The following PRKCD variants were observed in gnomAD, a reference collection of about 807,000 sequenced individuals.
PRKCD encodes protein kinase C delta type.
In PRKCD, 20 loss-of-function variants were observed where a neutral mutation model predicts 82.2. The observed-to-expected ratio is 0.24, with a 90% CI of 0.17 to 0.35. PRKCD has a LOEUF of 0.35. Ranked by LOEUF, PRKCD falls within the 10% of genes least tolerant of loss-of-function variation. The probability of loss-of-function intolerance (pLI) is 1.00; values close to 1 mark genes in which losing one functional copy is unlikely to be tolerated. For synonymous variants in PRKCD, 317 were observed against 337.0 expected, an observed-to-expected ratio of 0.94 and a Z score of 0.65; for missense variants, 607 against 899.0, an observed-to-expected ratio of 0.68 and a Z score of 4.15.
At chr3:53,188,187 C>CAAAAAAA (rs557772373) in intron 15 of PRKCD, among the ~76,000 whole-genome samples, 4,132 of 45,296 alleles carry the variant, frequency 0.091, 1,042 homozygotes, top group East Asian at 0.17. Flanking sequence ...GACTGTGTCT[C>CAAAAAAA]AAAAAAAAAA....
chr3:53,192,291 C>G lies in PRKCD; in HGVS notation c.*25C>G. The G allele has an allele frequency of 6.2e-7, 1 of 1,612,004 alleles. No homozygotes were observed. The highest frequency in any genetic ancestry group is 1.3e-5 in the African/African-American group (1 of 74,936). ...AGGTTCCTGGACAGATCAGGCTAGC[C>G]CTGCCCTCCACCCACACCTGCCCGC... On this transcript the variant is annotated 3_prime_UTR_variant, in exon 19 of 19. Transcript: ENST00000330452.
chr3:53,186,089 G>A, intron 12 of PRKCD, 62 bp downstream of exon 12: 2 of 1,609,560 alleles, frequency 1.2e-6, no homozygotes, highest in Non-Finnish European at 1.7e-6. Flanking sequence ...CGCTTAGGTG[G>A]CTGAGGTGGG....
chr3:53,185,715 A>C lies in PRKCD; in HGVS notation c.985+15A>C, dbSNP rs782661258. ...GGACATGCAAGGTGAAGCTGGGTCC[A>C]TTGCCCCATTACGGTTTTTATTCCC... On this transcript the variant is annotated intron_variant, in intron 11 of 18. Transcript: ENST00000330452. The C allele has an allele frequency of 9.3e-6, 15 of 1,610,894 alleles. No homozygotes were observed. The highest frequency in any genetic ancestry group is 1.7e-5 in the Admixed American group (1 of 60,024).
intron 5 of PRKCD, 84 bp downstream of exon 5, chr3:53,181,351 C>T (rs1009176682): frequency 1.1e-4 from 175 of 1,606,982 alleles, no homozygotes; most frequent in Non-Finnish European, 1.4e-4. Context: ...CTGCTCCCTT[C>T]GGCAGAGCTG....
rs782781790 is a variant in PRKCD at position 53,179,481 on chromosome 3, G to C, written c.116-96G>C. 4.7e-6 allele frequency: 7 copies of C among 1,503,196 alleles called. No individual in the cohort carries two copies. The South Asian group carries it at 6.8e-5, about 15-fold the overall frequency. The allele number at this position is 1,503,196 out of a possible 1,614,324, so 93.1% of individuals were successfully genotyped here. On this transcript the variant is annotated intron_variant, in intron 3 of 18. Transcript: ENST00000330452. ...ACCACAGCAGGCCCTCAAGGCAGGA[G>C]AGTCGGGCAGATTCTGCCAGGGGAA...
At chr3:53,168,913 C>G (rs1702923330) in intron 2 of PRKCD, among the ~76,000 whole-genome samples, 1 of 150,266 alleles carries the variant, frequency 6.7e-6, no homozygotes, top group Non-Finnish European at 1.5e-5. Context: ...CAATGGGAGG[C>G]ACTGGGGGCT....
At chr3:53,182,103 G>A (rs111871631) in intron 7 of PRKCD, 1 of 415,404 alleles carries the variant, frequency 2.4e-6, no homozygotes, top group Admixed American at 2.7e-5. Flanking sequence ...AGATGTGGGT[G>A]TCTCTGAGTA....
rs1702641035 is a variant in PRKCD, at chr3:53,161,218, T to C, written c.-342T>C. On this transcript the variant is annotated 5_prime_UTR_variant, in exon 1 of 19. Coordinates refer to ENST00000330452, the MANE Select transcript of PRKCD (RefSeq NM_006254.4). ...TCGGCCCCGCCCCCTCGCACTTCCG[T>C]GTGCCGCGGCGCCGGAGCCCGAGGC... is the stretch of plus-strand genomic sequence containing the variant. The C allele has an allele frequency of 2.7e-5, 4 of 150,304 alleles. No individual in the cohort carries two copies. The highest frequency in any genetic ancestry group is 2.6e-4 in the Admixed American group (4 of 15,132). The allele number at this position is 150,304 out of a possible 1,614,324, so 9.3% of individuals were successfully genotyped here.
At chr3:53,173,428 C>T (rs1553665324) in intron 2 of PRKCD, 1 of 152,282 alleles carries the variant, frequency 6.6e-6, no homozygotes, top group Non-Finnish European at 1.5e-5. Flanking sequence ...CTCACATTCC[C>T]TGGGGCTGGG....
chr3:53,170,852 C>T (rs958900272), intron 2 of PRKCD, among the ~76,000 whole-genome samples: 9 of 152,104 alleles, frequency 5.9e-5, no homozygotes, highest in Non-Finnish European at 1.3e-4. Context: ...ACTCCACGTG[C>T]GTGTGGAGCC....
intron 2 of PRKCD, among the ~76,000 whole-genome samples, chr3:53,175,969 C>G (rs1206459800): frequency 6.6e-6 from 1 of 152,228 alleles, no homozygotes; most frequent in African/African-American, 2.4e-5. Context: ...CTTTTCACTC[C>G]AGTATCAACT....
At chr3:53,186,539 G>A (rs1703698201) in intron 13 of PRKCD, 65 bp from the exon 14 acceptor site, 15 of 1,474,502 alleles carry the variant, frequency 1.0e-5, no homozygotes, top group East Asian at 2.3e-5. Flanking sequence ...CTTGGCCCCA[G>A]TGGCCCTCAG....
intron 2 of PRKCD, among the ~76,000 whole-genome samples, chr3:53,168,531 G>T (rs1426310243): frequency 1.3e-5 from 2 of 152,120 alleles, no homozygotes; most frequent in Non-Finnish European, 2.9e-5. Flanking sequence ...GACAGACCCT[G>T]GTTGAATCCT....
At chr3:53,164,064 C>T (rs1702756770) in intron 1 of PRKCD, among the ~76,000 whole-genome samples, 1 of 152,146 alleles carries the variant, frequency 6.6e-6, no homozygotes, top group Non-Finnish European at 1.5e-5. Flanking sequence ...TGGGGGTCTC[C>T]AGCTGGGGGA....
chr3:53,167,584 T>A (rs1553664093), intron 2 of PRKCD, among the ~76,000 whole-genome samples: 1 of 152,222 alleles, frequency 6.6e-6, no homozygotes, highest in Non-Finnish European at 1.5e-5. Context: ...GCATCCATCT[T>A]GATGAGGTTG....
At chr3:53,167,882 G>A (rs750170) in intron 2 of PRKCD, among the ~76,000 whole-genome samples, 128,986 of 152,224 alleles carry the variant, frequency 0.85, 54,749 homozygotes, top group African/African-American at 0.86. Flanking sequence ...TACTTGTTCA[G>A]TAGGTTCCAT....
chr3:53,174,778 G>T (rs148246725), intron 2 of PRKCD, among the ~76,000 whole-genome samples: 418 of 152,340 alleles, frequency 2.7e-3, no homozygotes, highest in African/African-American at 9.0e-3. Flanking sequence ...TATGGTTACT[G>T]CTGGTTAGTC....
At chr3:53,184,185 A>G (rs1703581314) in intron 9 of PRKCD, among the ~76,000 whole-genome samples, 1 of 151,850 alleles carries the variant, frequency 6.6e-6, no homozygotes, top group African/African-American at 2.4e-5. Context: ...ATACAAAAAA[A>G]TTAGCCTGGC....
At chr3:53,181,851 C>A in intron 7 of PRKCD, 119 bp downstream of exon 7, 1 of 1,469,084 alleles carries the variant, frequency 6.8e-7, no homozygotes, top group East Asian at 2.4e-5. Flanking sequence ...TGAGTTTTCC[C>A]AGTGTAGATA....
Sources: gnomAD v4.1 joint callset for allele counts (sites outside exome capture counted in the v4.1 genomes callset) on GRCh38, gnomAD v4.1.1 for gene constraint, MANE v1.5 for transcripts, NCBI Gene and HGNC (gene_info 2026-07-23, HGNC 2026-07-21) for gene names.